The following SUCLG2 variants were observed in gnomAD, a reference collection of about 807,000 sequenced individuals.
The protein encoded by SUCLG2 is succinate-CoA ligase GDP-forming subunit beta.
In SUCLG2, 42 loss-of-function variants were observed where a neutral mutation model predicts 47.9. That is an observed-to-expected ratio of 0.88 (90% CI 0.69 to 1.14). SUCLG2 has a LOEUF of 1.14. SUCLG2 is among the 50% of genes most tolerant of loss of function. The pLI, the probability that SUCLG2 is intolerant of heterozygous loss-of-function variation, is 0.00. For missense variants in SUCLG2, 571 were observed against 525.9 expected, an observed-to-expected ratio of 1.09 and a Z score of -0.84; for synonymous variants, 195 against 197.3, an observed-to-expected ratio of 0.99 and a Z score of 0.10.
At chr3:67,429,445 G>A (rs554981001) in intron 9 of SUCLG2, among the ~76,000 whole-genome samples, 11 of 152,246 alleles carry the variant, frequency 7.2e-5, no homozygotes, top group African/African-American at 2.2e-4. Context: ...AGCTCCTGAA[G>A]GAAGCACTAA....
chr3:67,382,286 G>T (rs894674942), intron 10 of SUCLG2, among the ~76,000 whole-genome samples: 9 of 152,142 alleles, frequency 5.9e-5, no homozygotes, highest in African/African-American at 1.9e-4. Context: ...GGGAGGCTTC[G>T]GAACTGGCCC....
At chr3:67,499,841 C>T (rs574565611) in intron 7 of SUCLG2, among the ~76,000 whole-genome samples, 1 of 152,174 alleles carries the variant, frequency 6.6e-6, no homozygotes, top group South Asian at 2.1e-4. Flanking sequence ...AAGCGATTCT[C>T]CTGCCTCAGT....
At chr3:67,504,397 G>A (rs1209899758) in intron 7 of SUCLG2, among the ~76,000 whole-genome samples, 6 of 152,158 alleles carry the variant, frequency 3.9e-5, no homozygotes, top group South Asian at 2.1e-4. Flanking sequence ...AAATCAATCC[G>A]AAGAAAGAAA....
intron 4 of SUCLG2, among the ~76,000 whole-genome samples, chr3:67,520,976 G>A (rs1706086514): frequency 6.6e-6 from 1 of 152,150 alleles, no homozygotes; most frequent in East Asian, 1.9e-4. Context: ...GATATTAACA[G>A]TACACATATA....
At chr3:67,562,520 C>T (rs139112708) in intron 2 of SUCLG2, among the ~76,000 whole-genome samples, 18 of 152,338 alleles carry the variant, frequency 1.2e-4, no homozygotes, top group African/African-American at 4.1e-4. Flanking sequence ...TCAAATGATC[C>T]ACCTGCCGCA....
chr3:67,583,522 T>C (rs141980066), intron 2 of SUCLG2, among the ~76,000 whole-genome samples: 222 of 152,346 alleles, frequency 1.5e-3, no homozygotes, highest in Middle Eastern at 0.01. Context: ...TTATTACAAA[T>C]GTAAAGGCTT....
intron 9 of SUCLG2, among the ~76,000 whole-genome samples, chr3:67,439,222 G>C (rs1030472286): frequency 6.6e-6 from 1 of 152,116 alleles, no homozygotes; most frequent in African/African-American, 2.4e-5. Flanking sequence ...AAACTTGGTA[G>C]TGATGGAACA....
chr3:67,413,772 C>G (rs955394361), intron 9 of SUCLG2, among the ~76,000 whole-genome samples: 3 of 152,182 alleles, frequency 2.0e-5, no homozygotes, highest in African/African-American at 4.8e-5. Flanking sequence ...CGTAGACAAG[C>G]ATTTGCTTTC....
intron 10 of SUCLG2, among the ~76,000 whole-genome samples, chr3:67,394,366 T>G (rs201461694): frequency 0.3 from 42,874 of 144,142 alleles, 7,266 homozygotes; most frequent in African/African-American, 0.43. Flanking sequence ...CGAGAACTAC[T>G]TGAAGAATGC....
intron 6 of SUCLG2, among the ~76,000 whole-genome samples, chr3:67,515,723 C>T (rs1705926523): frequency 6.6e-6 from 1 of 152,110 alleles, no homozygotes; most frequent in Non-Finnish European, 1.5e-5. Flanking sequence ...TTCCCTTCTA[C>T]ACTGTCCCAT....
At chr3:67,442,079 C>T in intron 9 of SUCLG2, among the ~76,000 whole-genome samples, 1 of 143,274 alleles carries the variant, frequency 7.0e-6, no homozygotes, top group Non-Finnish European at 1.5e-5. Flanking sequence ...GGCGGGATCT[C>T]AGCTCACTGC....
intron 9 of SUCLG2, among the ~76,000 whole-genome samples, chr3:67,475,021 G>GA (rs57457642): frequency 0.11 from 16,721 of 150,526 alleles, 2,221 homozygotes; most frequent in African/African-American, 0.32. Context: ...AAAAAGAGAG[G>GA]AAAAATCATG....
chr3:67,377,246 C>T (rs553709506), intron 10 of SUCLG2, among the ~76,000 whole-genome samples: 8 of 152,318 alleles, frequency 5.3e-5, no homozygotes, highest in African/African-American at 7.2e-5. Context: ...TAATTATAAA[C>T]GCTGCATGTT....
At chr3:67,540,558 T>C (rs1002010596) in intron 2 of SUCLG2, among the ~76,000 whole-genome samples, 2 of 152,200 alleles carry the variant, frequency 1.3e-5, no homozygotes, top group African/African-American at 4.8e-5. Context: ...CAGGGACTTA[T>C]AGATCAAACT....
intron 9 of SUCLG2, among the ~76,000 whole-genome samples, chr3:67,421,616 C>G (rs537469900): frequency 6.6e-6 from 1 of 152,216 alleles, no homozygotes; most frequent in Non-Finnish European, 1.5e-5. Flanking sequence ...TAGCACCAGA[C>G]TGTTGCTTTT....
At chr3:67,586,586 A>G (rs12486198) in intron 2 of SUCLG2, among the ~76,000 whole-genome samples, 28,610 of 152,026 alleles carry the variant, frequency 0.19, 3,016 homozygotes, top group East Asian at 0.44. Flanking sequence ...AAAGTAAGTA[A>G]AGTAAGTATT....
chr3:67,371,808 G>C (rs1303952270), downstream of SUCLG2, among the ~76,000 whole-genome samples: 1 of 152,150 alleles, frequency 6.6e-6, no homozygotes, highest in Non-Finnish European at 1.5e-5. Context: ...TTTTGACTCA[G>C]AAGACCAAGT....
chr3:67,636,592 T>C (rs1376264756), intron 1 of SUCLG2, among the ~76,000 whole-genome samples: 1 of 152,142 alleles, frequency 6.6e-6, no homozygotes, highest in East Asian at 1.9e-4. Context: ...GACCTCGTGA[T>C]CCACCTGCCT....
intron 10 of SUCLG2, among the ~76,000 whole-genome samples, chr3:67,364,144 C>G (rs1701844997): frequency 6.6e-6 from 1 of 152,218 alleles, no homozygotes; most frequent in Admixed American, 6.5e-5. Flanking sequence ...CCCAGCCCTA[C>G]TGAAGCCCAT....
Sources: gnomAD v4.1 joint callset for allele counts (sites outside exome capture counted in the v4.1 genomes callset) on GRCh38, gnomAD v4.1.1 for gene constraint, MANE v1.5 for transcripts, NCBI Gene and HGNC (gene_info 2026-07-23, HGNC 2026-07-21) for gene names.